The following PNO1 variants were observed in gnomAD, a reference collection of about 807,000 sequenced individuals.
PNO1 encodes RNA-binding protein PNO1.
A neutral mutation model predicts 28.4 loss-of-function variants in PNO1; 16 were observed. The ratio of observed to expected loss-of-function variants is 0.56; its 90% CI spans 0.38 to 0.85. The LOEUF is 0.85. Among genes scored for constraint, PNO1 ranks in the 40% least tolerant of loss-of-function variants. The pLI is 0.00. For missense variants in PNO1, 304 were observed against 312.2 expected (o/e 0.97, Z 0.20); for synonymous variants, 115 against 110.8 (o/e 1.04, Z -0.24).
At chr2:68,158,339 C>G (rs769972397) in intron 1 of PNO1, 41 bp from the exon 2 acceptor site, 2 of 1,567,298 alleles carry the variant, frequency 1.3e-6, no homozygotes, top group Admixed American at 3.9e-5. Flanking sequence ...CCATCACCGT[C>G]CCTCCATAGC....
chr2:68,158,942 C>T (rs1289197366), intron 2 of PNO1, among the ~76,000 whole-genome samples: 1 of 152,046 alleles, frequency 6.6e-6, no homozygotes, highest in African/African-American at 2.4e-5. Flanking sequence ...AGTCCTTGTG[C>T]GAATATTATA....
intron 5 of PNO1, among the ~76,000 whole-genome samples, chr2:68,169,260 T>C (rs186879861): frequency 1.5e-3 from 223 of 152,234 alleles, no homozygotes; most frequent in African/African-American, 4.8e-3. Flanking sequence ...GTCATGACTT[T>C]TCTGTGCTGC....
intron 2 of PNO1, among the ~76,000 whole-genome samples, chr2:68,158,999 TA>T (rs1160049785): frequency 6.6e-6 from 1 of 152,242 alleles, no homozygotes; most frequent in Non-Finnish European, 1.5e-5. Flanking sequence ...TTTGTTTATA[TA>T]TTTTTTTCAT....
chr2:68,173,527 G>A, intron 6 of PNO1, 110 bp downstream of exon 6: 1 of 628,802 alleles, frequency 1.6e-6, no homozygotes, highest in Non-Finnish European at 2.9e-6. Flanking sequence ...AAGATCGCAA[G>A]TAGAAACCCT....
chr2:68,158,581 A>G (rs558708913), intron 2 of PNO1, 52 bp downstream of exon 2: 2 of 1,500,872 alleles, frequency 1.3e-6, no homozygotes, highest in East Asian at 2.3e-5. Context: ...TCTCCTACAG[A>G]GATGAAAAGG....
At chr2:68,158,310 T>C in intron 1 of PNO1, 70 bp from the exon 2 acceptor site, 2 of 1,473,522 alleles carry the variant, frequency 1.4e-6, no homozygotes, top group South Asian at 2.6e-5. Context: ...CCTTTGTGGA[T>C]CAGATGTCAT....
At chr2:68,160,664 A>G (rs536193530) in intron 2 of PNO1, among the ~76,000 whole-genome samples, 180 of 152,364 alleles carry the variant, frequency 1.2e-3, no homozygotes, top group South Asian at 6.4e-3. Context: ...TAAAGATGTG[A>G]GGAAACTTGG....
At chr2:68,161,153 T>C (rs1673818777) in intron 2 of PNO1, 1 of 465,574 alleles carries the variant, frequency 2.1e-6, no homozygotes, top group Non-Finnish European at 4.4e-6. Context: ...TATTTCTGCA[T>C]TTCTCAAATA....
chr2:68,173,622 G>T (rs908635308), intron 6 of PNO1, among the ~76,000 whole-genome samples: 4 of 134,610 alleles, frequency 3.0e-5, no homozygotes, highest in Non-Finnish European at 6.1e-5. Context: ...TCGCTGTGTC[G>T]CCTAGGTTGG....
rs61735656 is a variant in PNO1, at chr2:68,158,058, G to C, written c.124G>C (p.Gly42Arg). The change falls in exon 1 of 7, where the codon GGG becomes CGG. Residue 42 changes from glycine (G) to arginine (R), a missense_variant. Physicochemically the swap from Gly to Arg is moderately radical, Grantham distance 125 (BLOSUM62 -2). Transcript: ENST00000263657. Reference protein sequence around the residue: ...AEQLSAAGEGGDAGRMDTEEA... With the variant: ...AEQLSAAGEGRDAGRMDTEEA... ...ACAGCTGTCCGCAGCAGGAGAGGGC[G>C]GGGATGCGGGCCGCATGGACACAGA... is the stretch of plus-strand genomic sequence containing the variant. 2,477 of 1,613,898 alleles carry C rather than the reference G, an allele frequency of 1.5e-3. 3 individuals carry two copies. Among genetic ancestry groups the C allele is most frequent in the Non-Finnish European group, 1.9e-3 (2,282 of 1,179,978 alleles).
At chr2:68,162,520 C>G in intron 4 of PNO1, 26 bp from the exon 5 acceptor site, 2 of 1,501,742 alleles carry the variant, frequency 1.3e-6, no homozygotes, top group Non-Finnish European at 1.9e-6. Context: ...TGGCTTGCCT[C>G]CTGAGATCTT....
chr2:68,173,994 C>A (rs1409922624), intron 6 of PNO1, among the ~76,000 whole-genome samples: 2 of 152,200 alleles, frequency 1.3e-5, no homozygotes, highest in African/African-American at 2.4e-5. Flanking sequence ...CAGAGAAAAA[C>A]CATTCCAGAA....
At position 68,176,211 on chromosome 2, in the gene PNO1, A is replaced by C. The variant is rs1322122652; in HGVS notation, c.*1409A>C. 1 of 152,204 alleles carries C rather than the reference A, an allele frequency of 6.6e-6. No homozygotes were observed. Among genetic ancestry groups the C allele is most frequent in the Non-Finnish European group, 1.5e-5 (1 of 68,024 alleles). 9.4% of individuals were successfully genotyped at this position (152,204 alleles called of 1,614,324 possible). A position where few individuals can be genotyped will look rare whatever the true frequency, so the allele number is the denominator to read the frequency against. On this transcript the variant is annotated 3_prime_UTR_variant, in exon 7 of 7. Coordinates refer to ENST00000263657, the MANE Select transcript of PNO1 (RefSeq NM_020143.4). ...ATACATTACAAAATGGAAGGAACTT[A>C]CTTTATTAAACTTAACTTTGATACT...
Position 68,162,516 on chromosome 2 carries a change from G to A in PNO1, c.503-30G>A, listed in dbSNP as rs770716642. The A allele has an allele frequency of 2.0e-5, 29 of 1,466,282 alleles. 1 individual carries two copies. In the South Asian group the frequency reaches 3.1e-4, roughly 16 times the overall value. The allele number at this position is 1,466,282 out of a possible 1,614,324, so 90.8% of individuals were successfully genotyped here. A position where few individuals can be genotyped will look rare whatever the true frequency, so the allele number is the denominator to read the frequency against. On this transcript the variant is annotated intron_variant, in intron 4 of 6. Transcript: ENST00000263657. ...AATGGGTGGTACACTAGAATGGCTT[G>A]CCTCCTGAGATCTTGCTTTTCTTGT...
intron 5 of PNO1, among the ~76,000 whole-genome samples, chr2:68,165,291 G>A (rs1261155031): frequency 7.0e-4 from 104 of 148,794 alleles, no homozygotes; most frequent in African/African-American, 2.5e-3. Context: ...GTGAACCCGG[G>A]AGGCGGAGCT....
intron 2 of PNO1, among the ~76,000 whole-genome samples, chr2:68,160,789 C>G (rs540983965): frequency 1.3e-5 from 2 of 152,310 alleles, no homozygotes; most frequent in African/African-American, 4.8e-5. Context: ...CCTAAAGTAT[C>G]TATGGGACTT....
chr2:68,163,250 G>A (rs1227441060), intron 5 of PNO1, among the ~76,000 whole-genome samples: 2 of 152,114 alleles, frequency 1.3e-5, no homozygotes, highest in Non-Finnish European at 2.9e-5. Flanking sequence ...TAATATCTCG[G>A]GTTGGGCACA....
chr2:68,171,497 T>A (rs1300216745), intron 5 of PNO1, among the ~76,000 whole-genome samples: 1 of 152,246 alleles, frequency 6.6e-6, no homozygotes, highest in Non-Finnish European at 1.5e-5. Flanking sequence ...CTTTTTGGAC[T>A]TTGCTACTGT....
intron 5 of PNO1, among the ~76,000 whole-genome samples, chr2:68,170,367 A>G (rs533930709): frequency 6.6e-6 from 1 of 152,064 alleles, no homozygotes; most frequent in Non-Finnish European, 1.5e-5. Flanking sequence ...AACTACTCCC[A>G]TCTGTTCTTG....
Sources: allele counts gnomAD v4.1 joint callset (sites outside exome capture counted in the v4.1 genomes callset), GRCh38; gene constraint gnomAD v4.1.1; transcripts MANE v1.5; gene names NCBI Gene and HGNC (gene_info 2026-07-23, HGNC 2026-07-21).